The following TENM3 variants were observed in gnomAD, a reference collection of about 807,000 sequenced individuals.
The protein encoded by TENM3 is teneurin transmembrane protein 3, also known as teneurin-3.
In TENM3, 63 loss-of-function variants were observed where a neutral mutation model predicts 255.1. That is an observed-to-expected ratio of 0.25 (90% CI 0.20 to 0.30). TENM3 has a LOEUF of 0.30. Among genes scored for constraint, TENM3 ranks in the 10% least tolerant of loss-of-function variants. TENM3 has a pLI of 1.00. For missense variants in TENM3, 2,929 were observed against 3,461.1 expected, an observed-to-expected ratio of 0.85 and a Z score of 3.86; for synonymous variants, 1,306 against 1,322.3, an observed-to-expected ratio of 0.99 and a Z score of 0.27.
the TENM3 span, among the ~76,000 whole-genome samples, chr4:181,962,173 AT>A: frequency 3.3e-5 from 5 of 152,222 alleles, no homozygotes; most frequent in African/African-American, 1.2e-4. Flanking sequence ...GTCACCTAAA[AT>A]TAAATACTCA....
intron 1 of TENM3, among the ~76,000 whole-genome samples, chr4:182,255,040 T>C (rs1226074268): frequency 6.6e-6 from 1 of 152,188 alleles, no homozygotes; most frequent in East Asian, 1.9e-4. Flanking sequence ...GACTGGTACT[T>C]TCGGAAAATA....
At chr4:181,808,381 G>A in the TENM3 span, among the ~76,000 whole-genome samples, 2 of 152,084 alleles carry the variant, frequency 1.3e-5, no homozygotes, top group South Asian at 2.1e-4. Context: ...ATGACATATG[G>A]CATTTTCAGA....
chr4:181,642,999 G>T, the TENM3 span, among the ~76,000 whole-genome samples: 4 of 152,070 alleles, frequency 2.6e-5, no homozygotes, highest in Non-Finnish European at 2.9e-5. Flanking sequence ...CTCTTCTTTG[G>T]TTCCATATGA....
chr4:181,538,311 A>T, the TENM3 span, among the ~76,000 whole-genome samples: 1 of 152,120 alleles, frequency 6.6e-6, no homozygotes, highest in African/African-American at 2.4e-5. Flanking sequence ...TCATTCTTTT[A>T]CTCACTTATT....
intron 4 of TENM3, among the ~76,000 whole-genome samples, chr4:182,608,280 G>A (rs1309802523): frequency 6.6e-6 from 1 of 151,882 alleles, no homozygotes; most frequent in Non-Finnish European, 1.5e-5. Flanking sequence ...TTGAGACGGG[G>A]CCTTGCTCTG....
chr4:181,702,514 G>A, the TENM3 span, among the ~76,000 whole-genome samples: 2 of 152,174 alleles, frequency 1.3e-5, no homozygotes, highest in Non-Finnish European at 2.9e-5. Context: ...TTGTCAGAAT[G>A]GAGAAAGTAA....
intron 4 of TENM3, among the ~76,000 whole-genome samples, chr4:182,624,910 A>G (rs182143402): frequency 6.6e-6 from 1 of 152,338 alleles, no homozygotes; most frequent in East Asian, 1.9e-4. Flanking sequence ...CACTTTGAAG[A>G]AAATGATAAT....
Position 182,458,235 on chromosome 4 carries a change from G to A in TENM3, c.511+111306G>A, listed in dbSNP as rs572402608. 2.6e-5 allele frequency among the ~76,000 whole-genome samples: 4 copies of A among 152,182 alleles called. No homozygotes were observed. In the South Asian group the frequency reaches 8.3e-4, roughly 32 times the overall value. On this transcript the variant is annotated intron_variant, in intron 3 of 27. Coordinates refer to ENST00000511685, the MANE Select transcript of TENM3 (RefSeq NM_001080477.4). Reference sequence around the variant, plus strand: ...ATTGATTTGAAAATTAATAGATTATGCTTTTATTGACATTTCTATTCCCCA... The same window carrying A: ...ATTGATTTGAAAATTAATAGATTATACTTTTATTGACATTTCTATTCCCCA...
the TENM3 span, among the ~76,000 whole-genome samples, chr4:181,802,280 TATAA>T: frequency 2.0e-5 from 3 of 152,326 alleles, no homozygotes; most frequent in African/African-American, 7.2e-5. Context: ...GGACAAGTTA[TATAA>T]ATGTCTTCAG....
chr4:182,176,764 C>G (rs958717009), intron 1 of TENM3, among the ~76,000 whole-genome samples: 1 of 150,170 alleles, frequency 6.7e-6, no homozygotes, highest in African/African-American at 2.5e-5. Flanking sequence ...TAGGTTCAAG[C>G]GATTCTCCAG....
chr4:182,161,786 A>C (rs28538245), intron 1 of TENM3, among the ~76,000 whole-genome samples: 7 of 18,498 alleles, frequency 3.8e-4, no homozygotes, highest in East Asian at 6.5e-3. Context: ...TATATACACA[A>C]ATATATGTAT....
the TENM3 span, among the ~76,000 whole-genome samples, chr4:181,550,357 C>G: frequency 6.6e-6 from 1 of 152,192 alleles, no homozygotes; most frequent in Non-Finnish European, 1.5e-5. Flanking sequence ...GCTAAATGCT[C>G]TTAATCAAAG....
At chr4:181,548,519 G>A in the TENM3 span, among the ~76,000 whole-genome samples, 10 of 152,108 alleles carry the variant, frequency 6.6e-5, no homozygotes, top group South Asian at 2.1e-4. Context: ...CATTTCTTTC[G>A]GTTTTCATCT....
chr4:181,740,523 TA>T, the TENM3 span, among the ~76,000 whole-genome samples: 1 of 152,070 alleles, frequency 6.6e-6, no homozygotes, highest in Non-Finnish European at 1.5e-5. Context: ...AGTGATAGTT[TA>T]ATACTTTAAC....
chr4:182,184,005 T>C (rs73001434), intron 1 of TENM3, among the ~76,000 whole-genome samples: 23,722 of 152,182 alleles, frequency 0.16, 3,773 homozygotes, highest in African/African-American at 0.4. Context: ...TAGAAAGTGG[T>C]AGGTCTGTTT....
chr4:182,773,131 G>T (rs2089421552), intron 22 of TENM3, among the ~76,000 whole-genome samples: 1 of 152,144 alleles, frequency 6.6e-6, no homozygotes, highest in Admixed American at 6.5e-5. Flanking sequence ...CTACTTTGTA[G>T]AAAATATGAA....
At chr4:181,796,865 T>C in the TENM3 span, among the ~76,000 whole-genome samples, 1 of 152,212 alleles carries the variant, frequency 6.6e-6, no homozygotes, top group Non-Finnish European at 1.5e-5. Context: ...CCCAGATATA[T>C]GCATCCACTT....
the TENM3 span, among the ~76,000 whole-genome samples, chr4:181,627,493 A>C: frequency 2.0e-5 from 3 of 151,596 alleles, no homozygotes; most frequent in African/African-American, 7.3e-5. Context: ...CCCTACCCCC[A>C]CCCCATGACA....
rs891242855 is a variant in TENM3 at position 182,517,533 on chromosome 4, G to A, written c.512-83391G>A. Among the ~76,000 whole-genome samples the A allele has an allele frequency of 1.6e-4, 24 of 146,720 alleles. 3 individuals are homozygous for A. Among genetic ancestry groups the A allele is most frequent in the Admixed American group, 1.2e-3 (17 of 14,638 alleles). ...CGAGTAGCTGGGACTACAGGCGCCCGCTACCACGCCCGGCTAATTTTTTGT... is the reference window on the plus strand; with the variant it reads ...CGAGTAGCTGGGACTACAGGCGCCCACTACCACGCCCGGCTAATTTTTTGT... On this transcript the variant is annotated intron_variant, in intron 3 of 27. Transcript: ENST00000511685.
Sources: gnomAD v4.1 joint callset for allele counts (sites outside exome capture counted in the v4.1 genomes callset) on GRCh38, gnomAD v4.1.1 for gene constraint, MANE v1.5 for transcripts, NCBI Gene and HGNC (gene_info 2026-07-23, HGNC 2026-07-21) for gene names.